Variants in CERS4 observed in about 807,000 individuals in gnomAD.
CERS4 encodes ceramide synthase 4.
A neutral mutation model predicts 51.8 loss-of-function variants in CERS4; 65 were observed. The observed-to-expected ratio is 1.26, with a 90% CI of 1.03 to 1.54. The LOEUF is 1.54. CERS4 is among the 40% of genes most tolerant of loss of function. The pLI, the probability that CERS4 is intolerant of heterozygous loss-of-function variation, is 0.00. For synonymous variants in CERS4, 228 were observed against 208.4 expected, an observed-to-expected ratio of 1.09 and a Z score of -0.81; for missense variants, 563 against 500.4, an observed-to-expected ratio of 1.13 and a Z score of -1.19.
chr19:8,236,818 A>G (rs1005512841), intron 2 of CERS4, among the ~76,000 whole-genome samples: 1 of 151,790 alleles, frequency 6.6e-6, no homozygotes, highest in Non-Finnish European at 1.5e-5. Flanking sequence ...CCTGGCCAAC[A>G]TGGCGAAACC....
At position 8,258,601 on chromosome 19, in the gene CERS4, T is replaced by G. The variant is rs560495458; in HGVS notation, c.848+616T>G. ...GGCTCACCCCTGTAATCCCAACACT[T>G]TGTGAGGCTGAGGCAGGAAGATCAC... On this transcript the variant is annotated intron_variant, in intron 10 of 11. Transcript: ENST00000251363. Among the ~76,000 whole-genome samples, 4 of 151,986 alleles carry G rather than the reference T, an allele frequency of 2.6e-5. No homozygotes were observed. The South Asian group carries it at 6.2e-4, about 24-fold the overall frequency.
chr19:8,218,579 C>T (rs1568498110), intron 2 of CERS4, among the ~76,000 whole-genome samples: 1 of 152,062 alleles, frequency 6.6e-6, no homozygotes, highest in Non-Finnish European at 1.5e-5. Context: ...ACAAAGGCCT[C>T]GAATGCCAGG....
chr19:8,245,902 CAA>C (rs746017170), intron 2 of CERS4, among the ~76,000 whole-genome samples: 7 of 76,956 alleles, frequency 9.1e-5, no homozygotes, highest in African/African-American at 2.8e-4. Context: ...GCTTTGATGA[CAA>C]AAAAAAAAAA....
chr19:8,221,883 T>TG (rs1967568823), intron 2 of CERS4, among the ~76,000 whole-genome samples: 3 of 99,334 alleles, frequency 3.0e-5, no homozygotes, highest in South Asian at 3.7e-4. Context: ...TTTTTTTTTT[T>TG]TTTTTTTTTT....
chr19:8,254,130 G>C (rs1969237747), intron 3 of CERS4, among the ~76,000 whole-genome samples: 1 of 151,598 alleles, frequency 6.6e-6, no homozygotes, highest in African/African-American at 2.4e-5. Context: ...AGACCATCCT[G>C]GCTAACACAG....
rs781273995 is a variant in CERS4 at position 8,237,002 on chromosome 19, CAAAA to C, written c.-1-14052_-1-14049del. ...TGGGCAACAGAGCGAGACTCTGTCT[CAAAA>C]AAAAAAAAAAAAAAAAAAAAACGAA... On this transcript the variant is annotated intron_variant, in intron 2 of 11. Transcript: ENST00000251363. Among the ~76,000 whole-genome samples, 7 of 44,964 alleles carry C rather than the reference CAAAA, an allele frequency of 1.6e-4. 1 individual carries two copies. Among genetic ancestry groups the C allele is most frequent in the Admixed American group, 7.3e-4 (2 of 2,738 alleles). 29.5% of individuals were successfully genotyped at this position (44,964 alleles called of 152,430 possible). A position where few individuals can be genotyped will look rare whatever the true frequency, so the allele number is the denominator to read the frequency against.
intron 2 of CERS4, chr19:8,241,335 A>T (rs1172079415): frequency 6.6e-6 from 1 of 152,142 alleles, no homozygotes; most frequent in Non-Finnish European, 1.5e-5. Flanking sequence ...TTTTTTTCCG[A>T]AACAGGATCT....
chr19:8,229,573 AT>A (rs1160857354), intron 2 of CERS4, among the ~76,000 whole-genome samples: 1 of 151,672 alleles, frequency 6.6e-6, no homozygotes, highest in Admixed American at 6.6e-5. Context: ...ACGCCCAGCT[AT>A]TTTTTTGTAT....
chr19:8,215,657 A>C (rs1264734664), intron 2 of CERS4, among the ~76,000 whole-genome samples: 1 of 151,874 alleles, frequency 6.6e-6, no homozygotes, highest in Non-Finnish European at 1.5e-5. Flanking sequence ...CTGGGAGGGA[A>C]TTTAGACACT....
chr19:8,213,124 C>T (rs923480857), intron 2 of CERS4, among the ~76,000 whole-genome samples: 13 of 151,912 alleles, frequency 8.6e-5, no homozygotes, highest in African/African-American at 2.9e-4. Flanking sequence ...ACTGCAACCT[C>T]CACCTCCCAA....
At chr19:8,235,007 C>CTTTTTTTTTTTTTTTT (rs566104740) in intron 2 of CERS4, among the ~76,000 whole-genome samples, 1 of 127,892 alleles carries the variant, frequency 7.8e-6, no homozygotes, top group Non-Finnish European at 1.6e-5. Flanking sequence ...TTCTTTCTTT[C>CTTTTTTTTTTTTTTTT]TTTCTTTTTT....
At chr19:8,246,171 G>A (rs1968779655) in intron 2 of CERS4, among the ~76,000 whole-genome samples, 1 of 151,988 alleles carries the variant, frequency 6.6e-6, no homozygotes, top group Admixed American at 6.6e-5. Context: ...ACTGGGAAGA[G>A]GTATGAGGGA....
intron 2 of CERS4, chr19:8,225,157 A>G (rs1248356793): frequency 6.6e-6 from 1 of 152,362 alleles, no homozygotes; most frequent in Non-Finnish European, 1.5e-5. Context: ...TTAGGGAGAA[A>G]AACCAGCACA....
chr19:8,256,301 G>C lies in CERS4; in HGVS notation c.519+15G>C, dbSNP rs750730808. Reference sequence around the variant, plus strand: ...ACCCAAACCAGGTGAGTGGCAGAGTGTGTGTGAATGCTTGGAGGGTGAGGG... The same window carrying C: ...ACCCAAACCAGGTGAGTGGCAGAGTCTGTGTGAATGCTTGGAGGGTGAGGG... On this transcript the variant is annotated intron_variant, in intron 7 of 11. Coordinates refer to ENST00000251363, the MANE Select transcript of CERS4 (RefSeq NM_024552.3). The C allele has an allele frequency of 3.8e-5, 61 of 1,613,072 alleles. No individual in the cohort carries two copies. Among genetic ancestry groups the C allele is most frequent in the Non-Finnish European group, 5.1e-5 (60 of 1,179,660 alleles).
intron 2 of CERS4, among the ~76,000 whole-genome samples, chr19:8,250,214 A>T (rs972341610): frequency 1.3e-5 from 2 of 151,994 alleles, no homozygotes; most frequent in Non-Finnish European, 2.9e-5. Context: ...ACCTGAAGTG[A>T]TCTGCCCACC....
In CERS4 at chr19:8,262,238, G is replaced by A; in HGVS notation, c.*129G>A. Reference sequence around the variant, plus strand: ...GGCCCCACCCGGGGTGGGTGGGAAGGCTGATGATCTGTCTCCAGCCCCTTC... The same window carrying A: ...GGCCCCACCCGGGGTGGGTGGGAAGACTGATGATCTGTCTCCAGCCCCTTC... On this transcript the variant is annotated 3_prime_UTR_variant, in exon 12 of 12. Transcript: ENST00000251363. 2 of 1,018,868 alleles carry A rather than the reference G, an allele frequency of 2.0e-6. No individual in the cohort carries two copies. Among genetic ancestry groups the A allele is most frequent in the Non-Finnish European group, 2.7e-6 (2 of 749,690 alleles). 63.1% of individuals were successfully genotyped at this position (1,018,868 alleles called of 1,614,324 possible).
intron 2 of CERS4, among the ~76,000 whole-genome samples, chr19:8,211,230 G>A (rs1370221835): frequency 6.6e-5 from 10 of 151,420 alleles, no homozygotes; most frequent in Non-Finnish European, 7.4e-5. Flanking sequence ...GAGCCACTGG[G>A]ATGCCTGTAG....
At chr19:8,227,873 GTTGTT>G (rs1182545210) in intron 2 of CERS4, among the ~76,000 whole-genome samples, 4 of 151,938 alleles carry the variant, frequency 2.6e-5, no homozygotes, top group Non-Finnish European at 5.9e-5. Flanking sequence ...TTTTGTTGCT[GTTGTT>G]TTGAGACGGA....
At chr19:8,229,918 G>T (rs1599533852) in intron 2 of CERS4, among the ~76,000 whole-genome samples, 1 of 151,912 alleles carries the variant, frequency 6.6e-6, no homozygotes, top group African/African-American at 2.4e-5. Flanking sequence ...TAGAGACAAG[G>T]TCTCACTGTG....
Sources: gnomAD v4.1 joint callset for allele counts (sites outside exome capture counted in the v4.1 genomes callset) on GRCh38, gnomAD v4.1.1 for gene constraint, MANE v1.5 for transcripts, NCBI Gene and HGNC (gene_info 2026-07-23, HGNC 2026-07-21) for gene names.